Variants in TPSD1 observed in about 807,000 individuals in gnomAD.
The protein encoded by TPSD1 is tryptase delta.
A neutral mutation model predicts 25.4 loss-of-function variants in TPSD1; 30 were observed. The observed-to-expected ratio is 1.18, with a 90% CI of 0.88 to 1.60. The LOEUF is 1.60. Among genes scored for constraint, TPSD1 ranks in the 40% most tolerant of loss-of-function variants. The pLI, the probability that TPSD1 is intolerant of heterozygous loss-of-function variation, is 0.00. For missense variants in TPSD1, 420 were observed against 324.2 expected (o/e 1.30, Z -2.27); for synonymous variants, 176 against 149.4 (o/e 1.18, Z -1.30).
In TPSD1 at chr16:1,257,523, C is replaced by G. The variant is rs567952795; in HGVS notation, c.520+461C>G. 2 of 237,916 alleles carry G rather than the reference C, an allele frequency of 8.4e-6. 1 individual carries two copies. The highest frequency in any genetic ancestry group is 1.7e-4 in the South Asian group (2 of 11,496). The allele number at this position is 237,916 out of a possible 1,614,324, so 14.7% of individuals were successfully genotyped here. ...GGACGAAGCTCACTGTGGCCCTCCA[C>G]GAGGCACATTTTCACTTCTAGAAGG... On this transcript the variant is annotated intron_variant, in intron 3 of 4. Coordinates refer to ENST00000211076, the MANE Select transcript of TPSD1 (RefSeq NM_012217.3).
rs148664529 is a variant in TPSD1 at position 1,256,938 on chromosome 16, G to A, written c.396G>A (p.Leu132=). 2.3e-4 allele frequency: 378 copies of A among 1,613,206 alleles called. No individual in the cohort carries two copies. The Middle Eastern group carries it at 3.0e-3, about 13-fold the overall frequency. ...AGACCGGGGCGGACATCGCCCTGCT[G>A]GAGCTGGAGGAGCCCGTGAACATCT... ...IIQTGADIAL[L]ELEEPVNISS... is the part of the protein sequence containing the mutation. The change falls in exon 3 of 5, where the codon CTG becomes CTA. Residue 132 remains leucine (L), a synonymous_variant. Coordinates refer to ENST00000211076, the MANE Select transcript of TPSD1 (RefSeq NM_012217.3).
intron 3 of TPSD1, 135 bp from the exon 4 acceptor site, chr16:1,257,924 C>A: frequency 1.0e-6 from 1 of 987,622 alleles, no homozygotes; most frequent in South Asian, 1.6e-5. Flanking sequence ...TTCACCGCCC[C>A]TTCCCCGGGG....
Position 1,257,077 on chromosome 16 carries a change from C to G in TPSD1, c.520+15C>G. Reference sequence around the variant, plus strand: ...GGACAATAATGGTGGGTGTTGGGGACAGCGGGAGGCCGGGCCAGGTGGGCA... The same window carrying G: ...GGACAATAATGGTGGGTGTTGGGGAGAGCGGGAGGCCGGGCCAGGTGGGCA... On this transcript the variant is annotated intron_variant, in intron 3 of 4. Coordinates refer to ENST00000211076, the MANE Select transcript of TPSD1 (RefSeq NM_012217.3). The G allele has an allele frequency of 1.9e-6, 3 of 1,587,100 alleles. No individual in the cohort carries two copies. The highest frequency in any genetic ancestry group is 2.6e-6 in the Non-Finnish European group (3 of 1,166,348).
Position 1,258,360 on chromosome 16 carries a change from A to C in TPSD1, c.713A>C (p.Lys238Thr), listed in dbSNP as rs1476145121. Residue 238 changes from lysine to threonine, a missense_variant, in exon 5 of 5, where the codon AAG becomes ACG. Transcript: ENST00000211076. ...QGDSGGPLVCKVNGT is the reference protein window; with the variant it reads ...QGDSGGPLVCTVNGT ...GACTCTGGAGGGCCCCTGGTCTGCA[A>C]GGTGAATGGCACCTAACTGCAGGCG... 6.2e-7 allele frequency: 1 copy of C among 1,608,194 alleles called. No individual in the cohort carries two copies. The highest frequency in any genetic ancestry group is 8.5e-7 in the Non-Finnish European group (1 of 1,179,856).
At chr16:1,257,954 C>A in intron 3 of TPSD1, 105 bp from the exon 4 acceptor site, 1 of 1,267,826 alleles carries the variant, frequency 7.9e-7, no homozygotes, top group Non-Finnish European at 1.1e-6. Flanking sequence ...CAGAACAGCA[C>A]TGGGCCCATG....
chr16:1,258,296 G>T, intron 4 of TPSD1, 36 bp from the exon 5 acceptor site: 1 of 1,604,148 alleles, frequency 6.2e-7, no homozygotes, highest in Non-Finnish European at 8.5e-7. Flanking sequence ...GACCCCCGAA[G>T]CCTGGCCAGC....
chr16:1,256,367 G>A lies in TPSD1; in HGVS notation c.82+5G>A. The A allele has an allele frequency of 6.2e-7, 1 of 1,612,788 alleles. No individual in the cohort carries two copies. The highest frequency in any genetic ancestry group is 8.5e-7 in the Non-Finnish European group (1 of 1,179,640). Reference sequence around the variant, plus strand: ...GCCCGGCCTACGTGGCCCCTGGTGAGTCCCAGCCGGGGTCCACCCTGCCCC... The same window carrying A: ...GCCCGGCCTACGTGGCCCCTGGTGAATCCCAGCCGGGGTCCACCCTGCCCC... On this transcript the variant is annotated splice_donor_5th_base_variant and intron_variant, in intron 1 of 4. Coordinates refer to ENST00000211076, the MANE Select transcript of TPSD1 (RefSeq NM_012217.3).
In TPSD1 at chr16:1,256,345, C is replaced by T. The variant is rs3865205; in HGVS notation, c.65C>T (p.Pro22Leu). ...LLLALPVLAS[P>L]AYVAPAPGQA... is the part of the protein sequence containing the mutation. ...CTGGCGCTGCCCGTCCTGGCGAGCC[C>T]GGCCTACGTGGCCCCTGGTGAGTCC... The change falls in exon 1 of 5, where the codon CCG (proline) becomes CTG (leucine). Residue 22 changes from proline to leucine, a missense_variant. By Grantham distance (98) the Pro-to-Leu change is moderately conservative (BLOSUM62 -3). Transcript: ENST00000211076. 0.11 allele frequency: 171,805 copies of T among 1,538,818 alleles called. 12,333 individuals are homozygous for T. The highest frequency in any genetic ancestry group is 0.3 in the Admixed American group (17,422 of 58,538).
In TPSD1 at chr16:1,258,064, C is replaced by T. The variant is rs1255628009; in HGVS notation, c.526C>T (p.Leu176=). The T allele has an allele frequency of 1.9e-6, 3 of 1,577,856 alleles. No individual in the cohort carries two copies. The highest frequency in any genetic ancestry group is 2.6e-6 in the Non-Finnish European group (3 of 1,162,556). ...ACGCCCCCCTCCGCCCCCAGTGCACCTGCCGCCGCCATACCCGCTGAAGGA... is the reference window on the plus strand; with the variant it reads ...ACGCCCCCCTCCGCCCCCAGTGCACTTGCCGCCGCCATACCCGCTGAAGGA... The part of the protein sequence containing the change: ...GWGDVDNNVH[L]PPPYPLKEVE... The change falls in exon 4 of 5, where the codon CTG becomes TTG. Residue 176 remains leucine (L), a synonymous_variant. Coordinates refer to ENST00000211076, the MANE Select transcript of TPSD1 (RefSeq NM_012217.3).
rs369162852 is a variant in TPSD1 at position 1,256,622 on chromosome 16, G to A, written c.189G>A (p.Met63Ile). Reference protein sequence around the residue: ...VSLRVRGPYWMHFCGGSLIHP... With the variant: ...VSLRVRGPYWIHFCGGSLIHP... ...TGAGAGTCCGCGGCCCATACTGGAT[G>A]CACTTCTGCGGGGGCTCCCTCATCC... is the stretch of plus-strand genomic sequence containing the variant. Residue 63 changes from methionine to isoleucine, a missense_variant, in exon 2 of 5, where the codon ATG becomes ATA. Coordinates refer to ENST00000211076, the MANE Select transcript of TPSD1 (RefSeq NM_012217.3). 8.1e-6 allele frequency: 13 copies of A among 1,612,954 alleles called. No homozygotes were observed. The highest frequency in any genetic ancestry group is 1.1e-5 in the Non-Finnish European group (13 of 1,179,766).
intron 3 of TPSD1, chr16:1,257,532 T>G: frequency 4.3e-6 from 1 of 234,798 alleles, no homozygotes; most frequent in Non-Finnish European, 8.3e-6. Flanking sequence ...ACGAGGCACA[T>G]TTTCACTTCT....
Position 1,256,947 on chromosome 16 carries a change from G to A in TPSD1, c.405G>A (p.Glu135=), listed in dbSNP as rs779656461. ...CGGACATCGCCCTGCTGGAGCTGGA[G>A]GAGCCCGTGAACATCTCCAGCCACA... ...TGADIALLEL[E]EPVNISSHIH... The change falls in exon 3 of 5, where the codon GAG becomes GAA. Residue 135 remains glutamate, a synonymous_variant. Transcript: ENST00000211076. The A allele has an allele frequency of 1.9e-6, 3 of 1,613,958 alleles. No homozygotes were observed. The highest frequency in any genetic ancestry group is 2.2e-5 in the East Asian group (1 of 44,896).
Position 1,256,445 on chromosome 16 carries a change from G to T in TPSD1, c.83-71G>T, listed in dbSNP as rs535680719. ...GGTGGGTTCTGGGGAGGCCGGGCTGGCCCCCACACAGGGAAGGGCTGGTCC... is the reference window on the plus strand; with the variant it reads ...GGTGGGTTCTGGGGAGGCCGGGCTGTCCCCCACACAGGGAAGGGCTGGTCC... On this transcript the variant is annotated intron_variant, in intron 1 of 4. Transcript: ENST00000211076. 85 of 1,609,386 alleles carry T rather than the reference G, an allele frequency of 5.3e-5. No individual in the cohort carries two copies. The African/African-American group carries it at 1.1e-3, about 20-fold the overall frequency.
In TPSD1 at chr16:1,256,981, G is replaced by A. The variant is rs1207778433; in HGVS notation, c.439G>A (p.Val147Ile). ...PVNISSHIHT[V>I]TLPPASETFP... ...GAACATCTCCAGCCACATCCACACGGTCACGCTGCCCCCTGCCTCGGAGAC... is the reference window on the plus strand; with the variant it reads ...GAACATCTCCAGCCACATCCACACGATCACGCTGCCCCCTGCCTCGGAGAC... The change falls in exon 3 of 5, where the codon GTC becomes ATC. Residue 147 changes from valine to isoleucine, a missense_variant. Coordinates refer to ENST00000211076, the MANE Select transcript of TPSD1 (RefSeq NM_012217.3). 1.2e-6 allele frequency: 2 copies of A among 1,613,858 alleles called. No homozygotes were observed. The highest frequency in any genetic ancestry group is 3.3e-5 in the Admixed American group (2 of 59,982).
At chr16:1,257,879 C>A in intron 3 of TPSD1, 180 bp from the exon 4 acceptor site, 1 of 693,544 alleles carries the variant, frequency 1.4e-6, no homozygotes, top group Non-Finnish European at 2.4e-6. Flanking sequence ...GGCCAGGGAC[C>A]CAGGACCAGC....
chr16:1,257,192 G>C, intron 3 of TPSD1, 130 bp downstream of exon 3: 3 of 1,302,722 alleles, frequency 2.3e-6, no homozygotes, highest in Non-Finnish European at 2.1e-6. Context: ...GATGGATGGA[G>C]CAGGCGGTGG....
rs143993373 is a variant in TPSD1, at chr16:1,256,922, C to T, written c.380C>T (p.Ala127Val). The T allele has an allele frequency of 5.9e-3, 9,326 of 1,589,984 alleles. No individual in the cohort carries two copies. The highest frequency in any genetic ancestry group is 0.017 in the Middle Eastern group (99 of 5,746). ...CAGTTCTACATCATCCAGACCGGGG[C>T]GGACATCGCCCTGCTGGAGCTGGAG... Reference protein sequence around the residue: ...HPQFYIIQTGADIALLELEEP... With the variant: ...HPQFYIIQTGVDIALLELEEP... The change falls in exon 3 of 5, where the codon GCG becomes GTG. Residue 127 changes from alanine (A) to valine (V), a missense_variant. Ala to Val is a moderately conservative substitution (Grantham distance 64). Coordinates refer to ENST00000211076, the MANE Select transcript of TPSD1 (RefSeq NM_012217.3).
At position 1,258,124 on chromosome 16, in the gene TPSD1, A is replaced by G; in HGVS notation, c.586A>G (p.Asn196Asp). ...EVPVVENHLC[N>D]AEYHTGLHTG... ...CCCCGTAGTGGAAAACCACCTTTGC[A>G]ACGCGGAATATCACACCGGCCTCCA... Residue 196 changes from asparagine to aspartate, a missense_variant, in exon 4 of 5, where the codon AAC (asparagine) becomes GAC (aspartate). Transcript: ENST00000211076. 6.2e-7 allele frequency: 1 copy of G among 1,609,420 alleles called. No individual in the cohort carries two copies.
At chr16:1,257,325 T>G in intron 3 of TPSD1, 1 of 560,492 alleles carries the variant, frequency 1.8e-6, no homozygotes, top group South Asian at 2.5e-5. Flanking sequence ...CCTGAAAGGG[T>G]GCATCAAAAG....
Sources: allele counts gnomAD v4.1 joint callset, GRCh38; gene constraint gnomAD v4.1.1; transcripts MANE v1.5; gene names NCBI Gene and HGNC (gene_info 2026-07-23, HGNC 2026-07-21).